DAPK1: variants seen among roughly 807,000 people sequenced by gnomAD.
DAPK1 encodes death associated protein kinase 1, also known as death-associated protein kinase 1.
In DAPK1, 56 loss-of-function variants were observed where a neutral mutation model predicts 144.9. That is an observed-to-expected ratio of 0.39 (90% confidence interval 0.31 to 0.48). DAPK1 has a LOEUF of 0.48. Among genes scored for constraint, DAPK1 ranks in the 20% least tolerant of loss-of-function variants. The pLI is 0.95. For missense variants in DAPK1, 1,454 were observed against 1,875.4 expected, an observed-to-expected ratio of 0.78 and a Z score of 4.15; for synonymous variants, 690 against 749.0, an observed-to-expected ratio of 0.92 and a Z score of 1.29.
At chr9:87,681,193 G>A (rs1042947217) in intron 19 of DAPK1, among the ~76,000 whole-genome samples, 10 of 151,774 alleles carry the variant, frequency 6.6e-5, no homozygotes, top group Non-Finnish European at 1.3e-4. Context: ...CAGGAGAATC[G>A]CTTGAACCCA....
chr9:87,666,372 A>G (rs1831053021), intron 18 of DAPK1, among the ~76,000 whole-genome samples: 3 of 152,172 alleles, frequency 2.0e-5, no homozygotes, highest in Non-Finnish European at 4.4e-5. Flanking sequence ...TTTCTGTTGA[A>G]AGTCTGAATA....
chr9:87,703,877 C>G (rs1825544430), intron 25 of DAPK1, among the ~76,000 whole-genome samples: 1 of 152,184 alleles, frequency 6.6e-6, no homozygotes, highest in South Asian at 2.1e-4. Flanking sequence ...GGGGGCAGTG[C>G]CTTCGTGTTT....
chr9:87,555,335 C>T (rs1012148756), intron 2 of DAPK1, among the ~76,000 whole-genome samples: 3 of 152,132 alleles, frequency 2.0e-5, no homozygotes, highest in Non-Finnish European at 2.9e-5. Flanking sequence ...CATATCTGCC[C>T]TCCCTTTTGC....
At position 87,640,783 on chromosome 9, in the gene DAPK1, TTC is replaced by T; in HGVS notation, c.783-16_783-15del. Reference sequence around the variant, plus strand: ...TGCTATGGTCACAGCATTTTTTTTCTTCTCCCCCTCCCCTCAAGGAAGAGAAT... The same window carrying T: ...TGCTATGGTCACAGCATTTTTTTTCTTCCCCCTCCCCTCAAGGAAGAGAAT... On this transcript the variant is annotated splice_polypyrimidine_tract_variant and intron_variant, in intron 8 of 25. Coordinates refer to ENST00000408954, the MANE Select transcript of DAPK1 (RefSeq NM_004938.4). 6.2e-7 allele frequency: 1 copy of T among 1,614,004 alleles called. No individual in the cohort carries two copies. Among genetic ancestry groups the T allele is most frequent in the Non-Finnish European group, 8.5e-7 (1 of 1,179,860 alleles).
intron 3 of DAPK1, among the ~76,000 whole-genome samples, chr9:87,635,583 C>A (rs1179349484): frequency 3.3e-5 from 5 of 152,080 alleles, no homozygotes; most frequent in Non-Finnish European, 7.4e-5. Context: ...CATATTGGAT[C>A]CTGTAGGAAG....
At chr9:87,535,317 A>G (rs1825824055) in intron 2 of DAPK1, among the ~76,000 whole-genome samples, 1 of 152,134 alleles carries the variant, frequency 6.6e-6, no homozygotes, top group Non-Finnish European at 1.5e-5. Flanking sequence ...GCTTATGAGC[A>G]TGCTCTATCA....
intron 2 of DAPK1, among the ~76,000 whole-genome samples, chr9:87,568,504 G>C (rs1042717667): frequency 3.3e-5 from 5 of 152,222 alleles, no homozygotes; most frequent in Non-Finnish European, 7.3e-5. Context: ...CTGTGGGGGA[G>C]ATGTTTTTTC....
In DAPK1 at chr9:87,707,217, G is replaced by C. The variant is rs756825105; in HGVS notation, c.4146G>C (p.Glu1382Asp). The C allele has an allele frequency of 5.8e-5, 94 of 1,614,110 alleles. No homozygotes were observed. Among genetic ancestry groups the C allele is most frequent in the Non-Finnish European group, 7.5e-5 (88 of 1,180,052 alleles). The change falls in exon 26 of 26, where the codon GAG becomes GAC. Residue 1382 changes from glutamate to aspartate, a missense_variant. By Grantham distance (45) the Glu-to-Asp change is conservative (BLOSUM62 2). Transcript: ENST00000408954. The surrounding 1 kb of genome is among the most constrained non-coding windows in gnomAD (Gnocchi z 4.0). ...TVGTLMSKLRELGRRDAADFL... is the reference protein window; with the variant it reads ...TVGTLMSKLRDLGRRDAADFL... ...GCACCCTCATGTCCAAACTGAGGGA[G>C]CTGGGTCGCCGGGATGCCGCAGACT... is the stretch of plus-strand genomic sequence containing the variant.
Position 87,706,944 on chromosome 9 carries a change from C to T in DAPK1, c.3873C>T (p.Tyr1291=). The change falls in exon 26 of 26, where the codon TAC becomes TAT. Residue 1291 remains tyrosine, a synonymous_variant. Transcript: ENST00000408954. This position sits in a 1 kb window ranked among gnomAD's most constrained non-coding sequence, Gnocchi z 9.0. ...SIMCFGCHDV[Y]SQASLGMDIH... is the part of the protein sequence containing the mutation. ...TGTGCTTCGGGTGTCACGACGTCTA[C>T]TCACAGGCCAGCCTCGGCATGGACA... 6.2e-7 allele frequency: 1 copy of T among 1,613,492 alleles called. No homozygotes were observed. The highest frequency in any genetic ancestry group is 8.5e-7 in the Non-Finnish European group (1 of 1,179,764).
intron 2 of DAPK1, among the ~76,000 whole-genome samples, chr9:87,590,561 T>C (rs1828094326): frequency 6.6e-6 from 1 of 152,062 alleles, no homozygotes; most frequent in Non-Finnish European, 1.5e-5. Context: ...CTTTGAGGCT[T>C]CCTGAATAAT....
At chr9:87,654,287 C>T (rs1830557909) in intron 17 of DAPK1, among the ~76,000 whole-genome samples, 1 of 152,088 alleles carries the variant, frequency 6.6e-6, no homozygotes, top group African/African-American at 2.4e-5. Flanking sequence ...AAGCATTATG[C>T]CATTACGATT....
At chr9:87,524,196 G>T (rs1002331506) in intron 2 of DAPK1, among the ~76,000 whole-genome samples, 5 of 152,196 alleles carry the variant, frequency 3.3e-5, no homozygotes, top group African/African-American at 1.2e-4. Flanking sequence ...GGGGGAAGGG[G>T]TGCCTGTTTC....
intron 21 of DAPK1, 80 bp from the exon 22 acceptor site, chr9:87,696,927 C>T (rs1161097142): frequency 5.7e-5 from 46 of 801,494 alleles, no homozygotes; most frequent in South Asian, 2.8e-4. Flanking sequence ...TACTTCGAAT[C>T]CGTGGAACGC....
intron 3 of DAPK1, chr9:87,632,702 A>G (rs1460516858): frequency 3.1e-6 from 3 of 980,752 alleles, no homozygotes; most frequent in Non-Finnish European, 3.6e-6. Context: ...AAATGAAGGA[A>G]GATGAGTATA....
chr9:87,508,776 T>G (rs1009528542), intron 2 of DAPK1, among the ~76,000 whole-genome samples: 61 of 152,158 alleles, frequency 4.0e-4, no homozygotes, highest in Non-Finnish European at 1.6e-4. Context: ...TGAAAATGAT[T>G]AGATTTTCCT....
chr9:87,519,965 G>C (rs1825233475), intron 2 of DAPK1, among the ~76,000 whole-genome samples: 1 of 151,954 alleles, frequency 6.6e-6, no homozygotes, highest in Non-Finnish European at 1.5e-5. Context: ...TTGTGTGTTT[G>C]AGTAGTCTGA....
intron 19 of DAPK1, among the ~76,000 whole-genome samples, chr9:87,672,131 A>G (rs1467589233): frequency 6.6e-6 from 1 of 152,206 alleles, no homozygotes; most frequent in Admixed American, 6.5e-5. Flanking sequence ...GCCTGCACAC[A>G]GTAAGCACCA....
chr9:87,706,213 T>G lies in DAPK1; in HGVS notation c.3142T>G (p.Leu1048Val), dbSNP rs1221229780. ...GCTCTGCACAAACGTCCTGGGGAAG[T>G]TGCTGTCCGTGGAGACCCCACGGGC... ...RWLCTNVLGKLLSVETPRALH... is the reference protein window; with the variant it reads ...RWLCTNVLGKVLSVETPRALH... Residue 1048 changes from leucine to valine, a missense_variant, in exon 26 of 26, where the codon TTG becomes GTG. Leu to Val is a conservative substitution (Grantham distance 32). Transcript: ENST00000408954. The surrounding 1 kb of genome is among the most constrained non-coding windows in gnomAD (Gnocchi z 9.0). 3 of 1,613,316 alleles carry G rather than the reference T, an allele frequency of 1.9e-6. No homozygotes were observed. In the South Asian group the frequency reaches 3.3e-5, roughly 18 times the overall value.
At chr9:87,532,816 G>C (rs1221606029) in intron 2 of DAPK1, among the ~76,000 whole-genome samples, 1 of 151,926 alleles carries the variant, frequency 6.6e-6, no homozygotes, top group African/African-American at 2.4e-5. Flanking sequence ...AACTGTACAG[G>C]GAACGCCAAT....
Sources: allele counts gnomAD v4.1 joint callset (sites outside exome capture counted in the v4.1 genomes callset), GRCh38; gene constraint gnomAD v4.1.1; non-coding constraint Gnocchi (gnomAD v3.1); transcripts MANE v1.5; gene names NCBI Gene and HGNC (gene_info 2026-07-23, HGNC 2026-07-21).